The following LARGE1 variants were observed in gnomAD, a reference collection of about 807,000 sequenced individuals.
The protein encoded by LARGE1 is LARGE xylosyl- and glucuronyltransferase 1, also known as xylosyl- and glucuronyltransferase LARGE1.
In LARGE1, 43 loss-of-function variants were observed where a neutral mutation model predicts 87.6. The observed-to-expected ratio is 0.49, with a 90% confidence interval of 0.38 to 0.63. LARGE1 has a LOEUF of 0.63. Ranked by LOEUF, LARGE1 falls within the 30% of genes least tolerant of loss-of-function variation. LARGE1 has a pLI of 0.00. For missense variants in LARGE1, 802 were observed against 1,000.2 expected, an observed-to-expected ratio of 0.80 and a Z score of 2.67; for synonymous variants, 434 against 394.6, an observed-to-expected ratio of 1.10 and a Z score of -1.18.
the LARGE1 span, among the ~76,000 whole-genome samples, chr22:33,115,453 GAAA>G: frequency 5.4e-5 from 6 of 112,112 alleles, no homozygotes; most frequent in African/African-American, 1.8e-4. Flanking sequence ...ACCTCTCAAA[GAAA>G]AAAAAAAAAA....
chr22:33,851,229 T>C (rs2063574280), intron 1 of LARGE1, among the ~76,000 whole-genome samples: 1 of 152,240 alleles, frequency 6.6e-6, no homozygotes, highest in South Asian at 2.1e-4. Flanking sequence ...ACAGCTCATA[T>C]GCAGTAAATC....
At chr22:33,086,384 A>T in the LARGE1 span, among the ~76,000 whole-genome samples, 1 of 152,248 alleles carries the variant, frequency 6.6e-6, no homozygotes, top group South Asian at 2.1e-4. Context: ...ATTTTGAGAC[A>T]ACCTGCCCCC....
At chr22:33,067,848 C>T in the LARGE1 span, among the ~76,000 whole-genome samples, 1 of 151,978 alleles carries the variant, frequency 6.6e-6, no homozygotes, top group African/African-American at 2.4e-5. Flanking sequence ...GGCGTGGTGG[C>T]GGGCACCTGT....
chr22:33,188,448 T>TACTCAACAATAG (rs1923605751), intron 11 of LARGE1, among the ~76,000 whole-genome samples: 1 of 152,128 alleles, frequency 6.6e-6, no homozygotes, highest in African/African-American at 2.4e-5. Flanking sequence ...CCGGGCCTGC[T>TACTCAACAATAG]GCAAATGCTA....
chr22:33,841,119 T>C (rs562885694), intron 1 of LARGE1, among the ~76,000 whole-genome samples: 2 of 152,356 alleles, frequency 1.3e-5, no homozygotes, highest in Admixed American at 1.3e-4. Context: ...TATGCTGTAA[T>C]GTAGGTTAAA....
intron 1 of LARGE1, among the ~76,000 whole-genome samples, chr22:33,867,146 G>A (rs748243114): frequency 2.0e-5 from 3 of 152,128 alleles, no homozygotes; most frequent in Admixed American, 6.5e-5. Flanking sequence ...GGCTCTGGGT[G>A]GGCCCAGAGT....
At chr22:33,841,609 G>C (rs1326391517) in intron 1 of LARGE1, among the ~76,000 whole-genome samples, 1 of 152,152 alleles carries the variant, frequency 6.6e-6, no homozygotes, top group Admixed American at 6.5e-5. Context: ...ACATCTTGTG[G>C]GCTCCAACTA....
Position 33,471,326 on chromosome 22 carries a change from G to C in LARGE1, c.788-39061C>G, listed in dbSNP as rs561508518. 2.8e-3 allele frequency among the ~76,000 whole-genome samples: 426 copies of C among 152,110 alleles called. 1 individual carries two copies. Among genetic ancestry groups the C allele is most frequent in the Non-Finnish European group, 5.1e-3 (345 of 68,008 alleles). ...CCCAAAATGCCAGGATTACAGGCAT[G>C]AGCCACCACACTCAGCCCAGTCTTT... On this transcript the variant is annotated intron_variant, in intron 6 of 14. Coordinates refer to ENST00000397394, the MANE Select transcript of LARGE1 (RefSeq NM_133642.5).
At chr22:33,343,635 C>T (rs1939415009) in intron 9 of LARGE1, among the ~76,000 whole-genome samples, 2 of 152,080 alleles carry the variant, frequency 1.3e-5, no homozygotes, top group African/African-American at 4.8e-5. Flanking sequence ...TCCCACTCTC[C>T]CTCAAAATTC....
At chr22:33,865,465 T>C (rs1210495850) in intron 1 of LARGE1, among the ~76,000 whole-genome samples, 1 of 152,202 alleles carries the variant, frequency 6.6e-6, no homozygotes, top group Non-Finnish European at 1.5e-5. Flanking sequence ...AATGAGTCAT[T>C]TGGTGGGAAC....
At chr22:33,302,909 G>A (rs1934359631) in intron 12 of LARGE1, among the ~76,000 whole-genome samples, 1 of 152,138 alleles carries the variant, frequency 6.6e-6, no homozygotes, top group African/African-American at 2.4e-5. Context: ...TCTGGGGTTC[G>A]ATGTGTAGAA....
intron 6 of LARGE1, among the ~76,000 whole-genome samples, chr22:33,467,482 TA>T (rs1308478214): frequency 6.6e-6 from 1 of 152,200 alleles, no homozygotes; most frequent in Admixed American, 6.5e-5. Flanking sequence ...CGACTCAGTT[TA>T]AAAGCAAATA....
At chr22:33,544,942 T>C (rs1447615771) in intron 6 of LARGE1, among the ~76,000 whole-genome samples, 1 of 152,012 alleles carries the variant, frequency 6.6e-6, no homozygotes, top group Non-Finnish European at 1.5e-5. Context: ...CAAGGAGAGA[T>C]ATGGTGTTCA....
At chr22:33,354,961 A>G (rs1008415576) in intron 9 of LARGE1, among the ~76,000 whole-genome samples, 1 of 152,236 alleles carries the variant, frequency 6.6e-6, no homozygotes, top group Non-Finnish European at 1.5e-5. Flanking sequence ...AAAAGGGTTT[A>G]TTATTACTAA....
At chr22:33,732,946 C>G (rs903440931) in intron 2 of LARGE1, 1 of 152,386 alleles carries the variant, frequency 6.6e-6, no homozygotes, top group African/African-American at 2.4e-5. Flanking sequence ...CAAAGCACCT[C>G]CTGTGTTCAT....
chr22:33,536,501 G>A (rs138572446), intron 6 of LARGE1, among the ~76,000 whole-genome samples: 1 of 152,326 alleles, frequency 6.6e-6, no homozygotes, highest in Non-Finnish European at 1.5e-5. Context: ...GACAGATAAG[G>A]CACTTTCCAC....
intron 5 of LARGE1, among the ~76,000 whole-genome samples, chr22:33,592,696 GT>G (rs1225325512): frequency 9.0e-6 from 1 of 111,550 alleles, no homozygotes; most frequent in Non-Finnish European, 1.9e-5. Context: ...TGTACACACT[GT>G]CTGCCCCTTT....
intron 5 of LARGE1, chr22:33,572,191 T>TA (rs1313773187): frequency 7.8e-7 from 1 of 1,289,762 alleles, no homozygotes; most frequent in Non-Finnish European, 1.0e-6. Context: ...TGACATATTT[T>TA]AAAAAATTAA....
intron 11 of LARGE1, among the ~76,000 whole-genome samples, chr22:33,215,387 G>A (rs143168132): frequency 6.6e-6 from 1 of 152,070 alleles, no homozygotes; most frequent in East Asian, 1.9e-4. Context: ...ATAACAGGTT[G>A]TTTCTATTTT....
Sources: gnomAD v4.1 joint callset for allele counts (sites outside exome capture counted in the v4.1 genomes callset) on GRCh38, gnomAD v4.1.1 for gene constraint, MANE v1.5 for transcripts, NCBI Gene and HGNC (gene_info 2026-07-23, HGNC 2026-07-21) for gene names.